AK9: variants seen among roughly 807,000 people sequenced by gnomAD.
AK9 encodes adenylate kinase 9.
Under a neutral mutation model 239.6 loss-of-function variants are expected in AK9, and 191 were observed. The ratio of observed to expected loss-of-function variants is 0.80; its 90% CI spans 0.71 to 0.90. AK9 has a LOEUF of 0.90. AK9 is among the 40% of genes least tolerant of loss of function. The probability of loss-of-function intolerance (pLI) is 0.00; values close to 1 mark genes in which losing one functional copy is unlikely to be tolerated. For missense variants in AK9, 1,995 were observed against 2,214.7 expected (o/e 0.90, Z 1.99); for synonymous variants, 689 against 721.0 (o/e 0.96, Z 0.71).
At chr6:109,514,557 A>G (rs1370525248) in intron 31 of AK9, 120 bp from the exon 32 acceptor site, 1 of 834,276 alleles carries the variant, frequency 1.2e-6, no homozygotes, top group Non-Finnish European at 1.8e-6. Context: ...CAGAATAAGA[A>G]AACTAATTAT....
At chr6:109,620,772 A>G (rs12191353) in intron 12 of AK9, among the ~76,000 whole-genome samples, 52,070 of 151,006 alleles carry the variant, frequency 0.34, 9,405 homozygotes, top group South Asian at 0.44. Context: ...TATACACATA[A>G]TAGTATACAC....
Position 109,509,165 on chromosome 6 carries a change from C to T in AK9, c.4481+14G>A, listed in dbSNP as rs1014147409. 1 of 1,550,798 alleles carries T rather than the reference C, an allele frequency of 6.4e-7. No homozygotes were observed. Among genetic ancestry groups the T allele is most frequent in the Non-Finnish European group, 8.7e-7 (1 of 1,146,058 alleles). On this transcript the variant is annotated intron_variant, in intron 33 of 40. Coordinates refer to ENST00000424296, the MANE Select transcript of AK9 (RefSeq NM_001145128.3). ...TAACTCCCTCTGTCCCATCCTCTCA[C>T]CCCATTCACTTACCCTGCAGTATTG... is the stretch of plus-strand genomic sequence containing the variant.
In AK9 at chr6:109,497,356, A is replaced by ACT. The variant is rs1439292179; in HGVS notation, c.5315+108_5315+109insAG. 7.2e-3 allele frequency: 4,150 copies of ACT among 575,000 alleles called. 25 individuals are homozygous for ACT. The highest frequency in any genetic ancestry group is 0.037 in the East Asian group (889 of 23,848). The allele number at this position is 575,000 out of a possible 1,614,324, so 35.6% of individuals were successfully genotyped here. On this transcript the variant is annotated intron_variant, in intron 38 of 40. Coordinates refer to ENST00000424296, the MANE Select transcript of AK9 (RefSeq NM_001145128.3). ...CACACACACACACACACACACACAC[A>ACT]CACACACTCTCTCTCTCTCTCTCTC...
In AK9 at chr6:109,564,141, G is replaced by A; in HGVS notation, c.2574C>T (p.Asn858=). The part of the protein sequence containing the change: ...TISEAYIKIL[N]LEIADRTPQE... Reference sequence around the variant, plus strand: ...GTGGAGTTCTGTCAGCAATCTCCAAGTTTAAAATTTTAATGTAAGCCTCAC... The same window carrying A: ...GTGGAGTTCTGTCAGCAATCTCCAAATTTAAAATTTTAATGTAAGCCTCAC... Residue 858 remains asparagine, a synonymous_variant, in exon 23 of 41, where the codon AAC becomes AAT. Transcript: ENST00000424296. 1 of 1,551,414 alleles carries A rather than the reference G, an allele frequency of 6.4e-7. No homozygotes were observed. The highest frequency in any genetic ancestry group is 8.7e-7 in the Non-Finnish European group (1 of 1,146,876).
chr6:109,583,190 G>C (rs1165783763), intron 19 of AK9, among the ~76,000 whole-genome samples: 1 of 152,076 alleles, frequency 6.6e-6, no homozygotes, highest in African/African-American at 2.4e-5. Context: ...GGGGCTCTTT[G>C]TGACATCTTC....
chr6:109,666,904 T>C (rs1262545583), intron 5 of AK9, among the ~76,000 whole-genome samples: 1 of 152,158 alleles, frequency 6.6e-6, no homozygotes, highest in Non-Finnish European at 1.5e-5. Context: ...TTCATAAAGA[T>C]ATACTCGGGG....
At position 109,607,434 on chromosome 6, in the gene AK9, T is replaced by C. The variant is rs529195741; in HGVS notation, c.1842+2931A>G. 2.6e-5 allele frequency among the ~76,000 whole-genome samples: 4 copies of C among 152,354 alleles called. No individual in the cohort carries two copies. The East Asian group carries it at 7.7e-4, about 29-fold the overall frequency. On this transcript the variant is annotated intron_variant, in intron 17 of 40. Coordinates refer to ENST00000424296, the MANE Select transcript of AK9 (RefSeq NM_001145128.3). ...ACTTGTTTTTCTTGTCATTATTCCC[T>C]AAACAATATAGTGTAAACAACTATT...
chr6:109,620,676 GT>G (rs1348511740), intron 12 of AK9, among the ~76,000 whole-genome samples: 1 of 151,828 alleles, frequency 6.6e-6, no homozygotes, highest in Non-Finnish European at 1.5e-5. Context: ...CACATCTTCA[GT>G]TTTTAGTACA....
In AK9 at chr6:109,599,013, A is replaced by G. The variant is rs571759071; in HGVS notation, c.1842+11352T>C. The stretch of plus-strand genomic sequence containing the variant: ...GGGTAGATTGCAAAAATTTTCTCCC[A>G]TTCTGTAGGTTGCCTGTTCACTCTG... On this transcript the variant is annotated intron_variant, in intron 17 of 40. Transcript: ENST00000424296. Among the ~76,000 whole-genome samples the G allele has an allele frequency of 6.3e-3, 956 of 152,242 alleles. 16 individuals carry two copies. The highest frequency in any genetic ancestry group is 0.022 in the African/African-American group (909 of 41,530).
intron 17 of AK9, among the ~76,000 whole-genome samples, chr6:109,588,767 G>A (rs1789851952): frequency 6.6e-6 from 1 of 152,094 alleles, no homozygotes; most frequent in African/African-American, 2.4e-5. Context: ...GTGAGAGATA[G>A]GGGTCCAGTT....
intron 10 of AK9, 107 bp from the exon 11 acceptor site, chr6:109,633,430 T>C: frequency 7.9e-7 from 1 of 1,263,790 alleles, no homozygotes; most frequent in Non-Finnish European, 1.1e-6. Flanking sequence ...ATTTAAGAAA[T>C]AATTTAAAAA....
At chr6:109,504,764 A>C (rs1223763625) in intron 35 of AK9, among the ~76,000 whole-genome samples, 2 of 152,146 alleles carry the variant, frequency 1.3e-5, no homozygotes, top group East Asian at 3.9e-4. Context: ...AGCAGAGATC[A>C]CACCACTGCA....
chr6:109,587,450 T>G (rs1789654694), intron 17 of AK9, among the ~76,000 whole-genome samples: 1 of 152,176 alleles, frequency 6.6e-6, no homozygotes, highest in Admixed American at 6.5e-5. Flanking sequence ...GGGCTTTCAG[T>G]GCATCCATCA....
chr6:109,517,795 C>T (rs985793316), intron 29 of AK9, among the ~76,000 whole-genome samples: 3 of 152,076 alleles, frequency 2.0e-5, no homozygotes, highest in African/African-American at 4.8e-5. Flanking sequence ...GGTACTAAGT[C>T]GTATTGTGTA....
In AK9 at chr6:109,535,375, C is replaced by T. The variant is rs549790594; in HGVS notation, c.3351-1905G>A. 2.0e-5 allele frequency among the ~76,000 whole-genome samples: 3 copies of T among 152,270 alleles called. No homozygotes were observed. In the East Asian group the frequency reaches 5.8e-4, roughly 29 times the overall value. The stretch of plus-strand genomic sequence containing the variant: ...CGGTCAGTGATGATGAGCATTTTTT[C>T]ATGTGTTTTTTGGCTGCATAAATGT... On this transcript the variant is annotated intron_variant, in intron 27 of 40. Coordinates refer to ENST00000424296, the MANE Select transcript of AK9 (RefSeq NM_001145128.3).
In AK9 at chr6:109,493,510, A is replaced by C; in HGVS notation, c.5595T>G (p.Phe1865Leu). The C allele has an allele frequency of 6.2e-7, 1 of 1,614,146 alleles. No homozygotes were observed. The highest frequency in any genetic ancestry group is 8.5e-7 in the Non-Finnish European group (1 of 1,180,012). ...ATGTTATGAGTTCACAACTCTCCAT[A>C]AACTGCTCCATCTTCTTCTTATACT... is the stretch of plus-strand genomic sequence containing the variant. ...RKKYKKKMEQ[F>L]MESCELITYL... is the part of the protein sequence containing the mutation. Residue 1865 changes from phenylalanine (F) to leucine (L), a missense_variant, in exon 41 of 41, where the codon TTT becomes TTG. Phe to Leu is a conservative substitution (Grantham distance 22). This residue lies in a region of AK9 where 391 missense variants were observed against 456.0 expected (regional missense o/e 0.86). Transcript: ENST00000424296.
At chr6:109,513,987 C>G (rs894760691) in intron 32 of AK9, among the ~76,000 whole-genome samples, 1 of 152,166 alleles carries the variant, frequency 6.6e-6, no homozygotes, top group African/African-American at 2.4e-5. Context: ...CATTCTTCAG[C>G]CAATCAATGA....
chr6:109,519,147 C>CT (rs1779570761), intron 29 of AK9, among the ~76,000 whole-genome samples: 1 of 152,016 alleles, frequency 6.6e-6, no homozygotes, highest in Non-Finnish European at 1.5e-5. Context: ...TGACTTTGTT[C>CT]TTTTTTATGG....
chr6:109,533,386 T>G lies in AK9; in HGVS notation c.3435A>C (p.Ala1145=), dbSNP rs1462017860. ...FLGDRGFFPD[A]AVFIQVDDQD... ...GATCATCAACTTGTATAAAAACAGCTGCATCTGGGAAAAATCCACGATCTC... is the reference window on the plus strand; with the variant it reads ...GATCATCAACTTGTATAAAAACAGCGGCATCTGGGAAAAATCCACGATCTC... Residue 1145 remains alanine (A), a synonymous_variant, in exon 28 of 41, where the codon GCA becomes GCC. Coordinates refer to ENST00000424296, the MANE Select transcript of AK9 (RefSeq NM_001145128.3). The G allele has an allele frequency of 1.2e-6, 2 of 1,610,808 alleles. No homozygotes were observed. The highest frequency in any genetic ancestry group is 1.3e-5 in the African/African-American group (1 of 74,880).
Sources: gnomAD v4.1 joint callset for allele counts (sites outside exome capture counted in the v4.1 genomes callset) on GRCh38, gnomAD v4.1.1 for gene constraint, gnomAD v4.1.1 regional missense constraint, MANE v1.5 for transcripts, NCBI Gene and HGNC (gene_info 2026-07-23, HGNC 2026-07-21) for gene names.